Variants in DPYD observed in about 807,000 individuals in gnomAD.
The protein encoded by DPYD is dihydropyrimidine dehydrogenase [NADP(+)].
In DPYD, 109 loss-of-function variants were observed where a neutral mutation model predicts 116.2. The ratio of observed to expected loss-of-function variants is 0.94; its 90% CI spans 0.80 to 1.10. The LOEUF is 1.10. DPYD is among the 50% of genes least tolerant of loss of function. DPYD has a pLI of 0.00. For missense variants in DPYD, 1,302 were observed against 1,254.5 expected, an observed-to-expected ratio of 1.04 and a Z score of -0.57; for synonymous variants, 440 against 432.0, an observed-to-expected ratio of 1.02 and a Z score of -0.23.
intron 18 of DPYD, among the ~76,000 whole-genome samples, chr1:97,237,658 T>C (rs1038371578): frequency 3.9e-5 from 6 of 152,176 alleles, no homozygotes. Flanking sequence ...TCTTCAGTTA[T>C]ACTAAAAGAA....
chr1:97,843,708 T>A (rs1172114015), intron 2 of DPYD, among the ~76,000 whole-genome samples: 1 of 152,174 alleles, frequency 6.6e-6, no homozygotes, highest in African/African-American at 2.4e-5. Flanking sequence ...CCATAATTAT[T>A]TTCATATGTA....
chr1:97,153,318 A>G (rs1471877993), intron 20 of DPYD, among the ~76,000 whole-genome samples: 1 of 152,156 alleles, frequency 6.6e-6, no homozygotes, highest in East Asian at 1.9e-4. Context: ...TTCATGAGCA[A>G]TATGATGACC....
chr1:97,721,038 T>C, intron 5 of DPYD: 1 of 1,404,202 alleles, frequency 7.1e-7, no homozygotes, highest in African/African-American at 1.5e-5. Context: ...ATGACATTAT[T>C]AATGTGGTTA....
intron 7 of DPYD, among the ~76,000 whole-genome samples, chr1:97,682,668 A>G (rs903552645): frequency 2.6e-5 from 4 of 152,110 alleles, no homozygotes; most frequent in Admixed American, 2.6e-4. Context: ...TGAAATCTCA[A>G]TGTTATTTGT....
intron 19 of DPYD, among the ~76,000 whole-genome samples, chr1:97,212,921 TA>T (rs1660133523): frequency 6.6e-6 from 1 of 152,138 alleles, no homozygotes; most frequent in South Asian, 2.1e-4. Flanking sequence ...GAACATGCTA[TA>T]ACAAAAATGC....
intron 16 of DPYD, among the ~76,000 whole-genome samples, chr1:97,324,177 C>T (rs1668591386): frequency 6.6e-6 from 1 of 151,978 alleles, no homozygotes; most frequent in Non-Finnish European, 1.5e-5. Context: ...TCTAAGCCTG[C>T]TGTTCCTGCC....
chr1:97,458,383 T>C (rs945000467), intron 13 of DPYD, among the ~76,000 whole-genome samples: 1 of 152,100 alleles, frequency 6.6e-6, no homozygotes, highest in Non-Finnish European at 1.5e-5. Flanking sequence ...ATATAACACA[T>C]ATAAACCTAC....
At chr1:97,857,025 C>T (rs919246946) in intron 2 of DPYD, among the ~76,000 whole-genome samples, 1 of 152,148 alleles carries the variant, frequency 6.6e-6, no homozygotes, top group African/African-American at 2.4e-5. Flanking sequence ...TCCCCAACCT[C>T]CTATTCTATA....
chr1:97,351,873 T>C (rs945729940), intron 16 of DPYD, among the ~76,000 whole-genome samples: 11 of 152,240 alleles, frequency 7.2e-5, no homozygotes, highest in African/African-American at 1.9e-4. Context: ...AAAAGAAGAA[T>C]TGAATTGCAG....
intron 4 of DPYD, among the ~76,000 whole-genome samples, chr1:97,726,555 A>T (rs1663274395): frequency 6.6e-6 from 1 of 151,568 alleles, no homozygotes. Context: ...ATGACATCAC[A>T]GAAACACTTG....
chr1:97,091,205 G>A (rs1237585487), intron 21 of DPYD, among the ~76,000 whole-genome samples: 2 of 152,126 alleles, frequency 1.3e-5, no homozygotes, highest in East Asian at 3.9e-4. Flanking sequence ...TGGAAGCTGA[G>A]AGGATAAACA....
intron 4 of DPYD, among the ~76,000 whole-genome samples, chr1:97,733,315 T>C (rs1434871990): frequency 2.0e-5 from 3 of 152,028 alleles, no homozygotes; most frequent in South Asian, 2.1e-4. Flanking sequence ...GTATGTTCAT[T>C]ATAAGAAGCA....
chr1:97,617,346 A>T lies in DPYD; in HGVS notation c.851-22180T>A, dbSNP rs1206413406. ...TGGCTAGGGACTACTGATTTCAGGC[A>T]AATATATTTTTACAAGAGTTACAAA... On this transcript the variant is annotated intron_variant, in intron 8 of 22. Transcript: ENST00000370192. Among the ~76,000 whole-genome samples the T allele has an allele frequency of 6.6e-5, 10 of 152,338 alleles. No homozygotes were observed. The East Asian group carries it at 1.7e-3, about 26-fold the overall frequency.
chr1:97,895,338 C>A (rs1253283210), intron 1 of DPYD, among the ~76,000 whole-genome samples: 1 of 151,630 alleles, frequency 6.6e-6, no homozygotes, highest in Non-Finnish European at 1.5e-5. Flanking sequence ...TATTTAATAC[C>A]AGTCAACAAA....
At chr1:97,229,220 GAAAAA>G (rs1333834545) in intron 19 of DPYD, among the ~76,000 whole-genome samples, 7 of 82,452 alleles carry the variant, frequency 8.5e-5, no homozygotes, top group African/African-American at 3.4e-4. Context: ...AAAAAAAAAA[GAAAAA>G]AAAAAAAGAA....
chr1:97,583,247 G>A (rs1653824076), intron 10 of DPYD, among the ~76,000 whole-genome samples: 1 of 152,140 alleles, frequency 6.6e-6, no homozygotes, highest in Admixed American at 6.5e-5. Flanking sequence ...GGGATTACAG[G>A]CGTGAACCAC....
chr1:97,732,915 G>A (rs957427354), intron 4 of DPYD, among the ~76,000 whole-genome samples: 4 of 151,948 alleles, frequency 2.6e-5, no homozygotes, highest in Non-Finnish European at 4.4e-5. Flanking sequence ...AGTTTTACAC[G>A]CAGAAAAAAG....
intron 1 of DPYD, among the ~76,000 whole-genome samples, chr1:97,907,550 C>T (rs1015489689): frequency 6.6e-6 from 1 of 152,074 alleles, no homozygotes; most frequent in African/African-American, 2.4e-5. Context: ...TAGGATTCTT[C>T]ATATTTAGGA....
intron 14 of DPYD, among the ~76,000 whole-genome samples, chr1:97,409,929 T>G: frequency 6.6e-6 from 1 of 151,950 alleles, no homozygotes; most frequent in East Asian, 1.9e-4. Context: ...AATACAAAAA[T>G]TAGCTGGGTA....
Sources: allele counts gnomAD v4.1 joint callset (sites outside exome capture counted in the v4.1 genomes callset), GRCh38; gene constraint gnomAD v4.1.1; transcripts MANE v1.5; gene names NCBI Gene and HGNC (gene_info 2026-07-23, HGNC 2026-07-21).